The following ADORA2B variants were observed in gnomAD, a reference collection of about 807,000 sequenced individuals.
The protein encoded by ADORA2B is adenosine receptor A2b.
In ADORA2B, 18 loss-of-function variants were observed where a neutral mutation model predicts 20.8. The ratio of observed to expected loss-of-function variants is 0.87; its 90% CI spans 0.60 to 1.29. The LOEUF (loss-of-function observed/expected upper bound fraction) is 1.29. Among genes scored for constraint, ADORA2B ranks in the 50% most tolerant of loss-of-function variants. ADORA2B has a pLI of 0.00. For missense variants in ADORA2B, 441 were observed against 422.7 expected (o/e 1.04, Z -0.38); for synonymous variants, 179 against 178.3 (o/e 1.00, Z -0.03).
At chr17:15,937,452 A>T in the ADORA2B span, among the ~76,000 whole-genome samples, 2 of 152,180 alleles carry the variant, frequency 1.3e-5, no homozygotes, top group Non-Finnish European at 2.9e-5. Flanking sequence ...TTTCCTGCTT[A>T]TGCACAGCCC....
At chr17:15,894,695 G>A in the ADORA2B span, among the ~76,000 whole-genome samples, 5 of 152,200 alleles carry the variant, frequency 3.3e-5, no homozygotes, top group Admixed American at 3.3e-4. Flanking sequence ...TAGGGGAGGA[G>A]GAGAGGAAGA....
intron 1 of ADORA2B, among the ~76,000 whole-genome samples, chr17:15,947,956 T>TGC (rs1046131495): frequency 1.3e-5 from 2 of 152,134 alleles, no homozygotes; most frequent in African/African-American, 4.8e-5. Context: ...GCTGGGTGCA[T>TGC]GGCGCCCCAA....
chr17:15,902,423 C>T, the ADORA2B span, among the ~76,000 whole-genome samples: 1 of 152,194 alleles, frequency 6.6e-6, no homozygotes, highest in Non-Finnish European at 1.5e-5. Flanking sequence ...GCCCCAAACT[C>T]CTGACCTCAG....
chr17:15,862,611 A>G, the ADORA2B span, among the ~76,000 whole-genome samples: 2 of 151,974 alleles, frequency 1.3e-5, no homozygotes, highest in African/African-American at 4.8e-5. Flanking sequence ...ATATGCCTTA[A>G]TCTCCATTTA....
At chr17:15,957,375 T>C (rs1467292063) in intron 1 of ADORA2B, among the ~76,000 whole-genome samples, 2 of 152,084 alleles carry the variant, frequency 1.3e-5, no homozygotes, top group Non-Finnish European at 2.9e-5. Flanking sequence ...GATCTGCCAT[T>C]GTGGAGCAGT....
upstream of ADORA2B, among the ~76,000 whole-genome samples, chr17:15,941,373 A>G (rs1285319829): frequency 1.3e-5 from 2 of 152,230 alleles, no homozygotes; most frequent in African/African-American, 4.8e-5. Context: ...AGAGCTGGGA[A>G]TCAAACCTGG....
intron 1 of ADORA2B, among the ~76,000 whole-genome samples, chr17:15,949,020 CA>C (rs1224414049): frequency 4.0e-5 from 6 of 151,672 alleles, no homozygotes; most frequent in Non-Finnish European, 8.8e-5. Context: ...CCAGCTTGGC[CA>C]ACATGGTGAA....
the ADORA2B span, among the ~76,000 whole-genome samples, chr17:15,889,145 G>C: frequency 2.4e-5 from 3 of 125,086 alleles, no homozygotes; most frequent in Non-Finnish European, 5.0e-5. Flanking sequence ...TGGGATTACA[G>C]GCATTAACCA....
the ADORA2B span, among the ~76,000 whole-genome samples, chr17:15,911,901 A>G: frequency 6.6e-6 from 1 of 152,118 alleles, no homozygotes; most frequent in South Asian, 2.1e-4. Flanking sequence ...CTATCTCTGC[A>G]AGAAAATTTT....
intron 1 of ADORA2B, chr17:15,974,056 G>C (rs1201437853): frequency 8.6e-6 from 1 of 116,632 alleles, no homozygotes; most frequent in Non-Finnish European, 2.1e-5. Context: ...GAAAGTGATG[G>C]ACAGAAAAAG....
the ADORA2B span, among the ~76,000 whole-genome samples, chr17:15,863,349 T>G: frequency 6.6e-6 from 1 of 152,038 alleles, no homozygotes; most frequent in African/African-American, 2.4e-5. Context: ...TGAAAAATTT[T>G]TTTTTATTTT....
intron 1 of ADORA2B, among the ~76,000 whole-genome samples, chr17:15,962,765 G>C (rs1244439524): frequency 6.6e-6 from 1 of 152,088 alleles, no homozygotes; most frequent in African/African-American, 2.4e-5. Flanking sequence ...CAATTCACCC[G>C]CCTTGGCCTC....
At chr17:15,896,165 TG>T in the ADORA2B span, among the ~76,000 whole-genome samples, 1 of 152,200 alleles carries the variant, frequency 6.6e-6, no homozygotes, top group Non-Finnish European at 1.5e-5. Flanking sequence ...AGGAAGCCCC[TG>T]GGCTTATAGT....
At chr17:15,886,461 G>A in the ADORA2B span, among the ~76,000 whole-genome samples, 13 of 129,606 alleles carry the variant, frequency 1.0e-4, 5 homozygotes, top group African/African-American at 4.0e-4. Context: ...CTAGTGAGTC[G>A]TGCAGGTGGC....
chr17:15,942,421 A>G (rs938180351), upstream of ADORA2B, among the ~76,000 whole-genome samples: 2 of 152,144 alleles, frequency 1.3e-5, no homozygotes, highest in East Asian at 1.9e-4. Context: ...TGCTGGCACT[A>G]TGGTTTACAG....
Position 15,945,157 on chromosome 17 carries a change from G to A in ADORA2B, c.-92G>A. 1 of 1,141,622 alleles carries A rather than the reference G, an allele frequency of 8.8e-7. No homozygotes were observed. The highest frequency in any genetic ancestry group is 1.1e-6 in the Non-Finnish European group (1 of 884,020). 70.7% of individuals were successfully genotyped at this position (1,141,622 alleles called of 1,614,324 possible). A position where few individuals can be genotyped will look rare whatever the true frequency, so the allele number is the denominator to read the frequency against. Reference sequence around the variant, plus strand: ...AAGCGGCAGGCGGAGGCGCGGTCCGGGCGCTATGGCCATGCCCGGCGGGTC... The same window carrying A: ...AAGCGGCAGGCGGAGGCGCGGTCCGAGCGCTATGGCCATGCCCGGCGGGTC... On this transcript the variant is annotated 5_prime_UTR_variant, in exon 1 of 2. Coordinates refer to ENST00000304222, the MANE Select transcript of ADORA2B (RefSeq NM_000676.4).
intron 1 of ADORA2B, among the ~76,000 whole-genome samples, chr17:15,962,613 C>T (rs1482624664): frequency 5.3e-5 from 8 of 152,164 alleles, no homozygotes; most frequent in Non-Finnish European, 1.0e-4. Flanking sequence ...CTCACCGCAA[C>T]CTCTGCCTCC....
chr17:15,944,397 G>T (rs904067588), upstream of ADORA2B, among the ~76,000 whole-genome samples: 4 of 152,180 alleles, frequency 2.6e-5, no homozygotes, highest in African/African-American at 9.7e-5. This position sits in a 1 kb window ranked among gnomAD's most constrained non-coding sequence, Gnocchi z 4.8. Context: ...GATCCAGGGT[G>T]AGTGTGAAGG....
At chr17:15,959,647 C>G (rs926424379) in intron 1 of ADORA2B, among the ~76,000 whole-genome samples, 1 of 152,046 alleles carries the variant, frequency 6.6e-6, no homozygotes, top group African/African-American at 2.4e-5. Flanking sequence ...ATTATAGGCG[C>G]ACGCCACCAT....
Sources: allele counts gnomAD v4.1 joint callset (sites outside exome capture counted in the v4.1 genomes callset), GRCh38; gene constraint gnomAD v4.1.1; non-coding constraint Gnocchi (gnomAD v3.1); transcripts MANE v1.5; gene names NCBI Gene and HGNC (gene_info 2026-07-23, HGNC 2026-07-21).